The following ANKHD1 variants were observed in gnomAD, a reference collection of about 807,000 sequenced individuals.
The protein encoded by ANKHD1 is ankyrin repeat and KH domain containing 1, also known as ankyrin repeat and KH domain-containing protein 1.
Under a neutral mutation model 230.5 loss-of-function variants are expected in ANKHD1, and 31 were observed. The ratio of observed to expected loss-of-function variants is 0.13; its 90% confidence interval spans 0.10 to 0.18. The LOEUF is 0.18. ANKHD1 is among the 10% of genes least tolerant of loss of function. ANKHD1 has a pLI of 1.00. For missense variants in ANKHD1, 2,256 were observed against 3,071.3 expected (o/e 0.73, Z 6.27); for synonymous variants, 1,074 against 1,117.6 (o/e 0.96, Z 0.78).
chr5:140,500,731 G>GT (rs1752261640), intron 15 of ANKHD1, among the ~76,000 whole-genome samples: 1 of 150,716 alleles, frequency 6.6e-6, no homozygotes, highest in Non-Finnish European at 1.5e-5. Flanking sequence ...TTCAAACTCA[G>GT]TTCAGCCAAG....
intron 32 of ANKHD1, 48 bp from the exon 33 acceptor site, chr5:140,538,871 A>G: frequency 1.4e-6 from 2 of 1,403,066 alleles, no homozygotes; most frequent in Non-Finnish European, 1.9e-6. Context: ...TAGTAATTTT[A>G]TAATTTATAG....
At chr5:140,537,718 AGGGT>A in intron 31 of ANKHD1, 129 bp downstream of exon 31, 1 of 1,364,638 alleles carries the variant, frequency 7.3e-7, no homozygotes. Flanking sequence ...CAATTAGGGA[AGGGT>A]GTTTATATCT....
intron 10 of ANKHD1, among the ~76,000 whole-genome samples, chr5:140,466,108 A>G (rs1001381736): frequency 5.3e-5 from 8 of 152,158 alleles, no homozygotes; most frequent in African/African-American, 1.9e-4. Flanking sequence ...AAAATTGAAT[A>G]GGGCTGGGTG....
chr5:140,435,157 T>C (rs1005828694), intron 1 of ANKHD1, among the ~76,000 whole-genome samples: 6 of 152,146 alleles, frequency 3.9e-5, no homozygotes, highest in Admixed American at 2.6e-4. Flanking sequence ...TGTTCCTGTC[T>C]AAAGGTCTCC....
chr5:140,524,219 G>A lies in ANKHD1; in HGVS notation c.4471G>A (p.Glu1491Lys). The change falls in exon 25 of 34, where the codon GAA becomes AAA. Residue 1491 changes from glutamate (E) to lysine (K), a missense_variant. This residue lies in a region of ANKHD1 where 212 missense variants were observed against 257.3 expected (regional missense o/e 0.82). Transcript: ENST00000360839. The part of the protein sequence containing the change: ...ENSELPEDED[E>K]EENDEDVEQE... ...TTCGGAACTACCAGAGGATGAAGATGAAGAGGAGAATGATGAAGATGGTGA... is the reference window on the plus strand; with the variant it reads ...TTCGGAACTACCAGAGGATGAAGATAAAGAGGAGAATGATGAAGATGGTGA... 6.3e-7 allele frequency: 1 copy of A among 1,579,982 alleles called. No individual in the cohort carries two copies. The highest frequency in any genetic ancestry group is 8.5e-7 in the Non-Finnish European group (1 of 1,171,446).
At chr5:140,523,931 T>A in intron 24 of ANKHD1, 135 bp from the exon 25 acceptor site, 1 of 1,195,786 alleles carries the variant, frequency 8.4e-7, no homozygotes, top group Non-Finnish European at 1.1e-6. Flanking sequence ...CAGTTTATTT[T>A]TTCTTGTTGG....
chr5:140,496,458 T>TTTG, intron 14 of ANKHD1, 62 bp from the exon 15 acceptor site: 2 of 1,187,618 alleles, frequency 1.7e-6, no homozygotes. Flanking sequence ...TTTTTTTTCT[T>TTTG]TTCTTTTTTT....
intron 10 of ANKHD1, among the ~76,000 whole-genome samples, chr5:140,478,365 T>C (rs1449965029): frequency 6.9e-6 from 1 of 144,332 alleles, no homozygotes; most frequent in African/African-American, 2.5e-5. Flanking sequence ...TTCTTTTTCT[T>C]TTTTTTTTTT....
At chr5:140,503,553 C>CT (rs70988767) in intron 15 of ANKHD1, among the ~76,000 whole-genome samples, 2,927 of 51,230 alleles carry the variant, frequency 0.057, 503 homozygotes, top group East Asian at 0.097. Flanking sequence ...AGTTTTCTTT[C>CT]TTTTTTTTTT....
intron 7 of ANKHD1, among the ~76,000 whole-genome samples, chr5:140,454,279 A>G (rs1581269033): frequency 1.3e-5 from 2 of 152,286 alleles, no homozygotes; most frequent in African/African-American, 2.4e-5. Context: ...TTAACACCCC[A>G]CTGTCAACAT....
chr5:140,402,631 G>C (rs762861552), intron 1 of ANKHD1, among the ~76,000 whole-genome samples: 1 of 152,196 alleles, frequency 6.6e-6, no homozygotes, highest in Non-Finnish European at 1.5e-5. Context: ...GAGACAAACA[G>C]AGACAGAGAC....
At chr5:140,486,725 A>G in intron 13 of ANKHD1, 1 of 316,048 alleles carries the variant, frequency 3.2e-6, no homozygotes, top group South Asian at 5.5e-5. Context: ...GCAAGGGAGT[A>G]ATGTTATTTC....
intron 24 of ANKHD1, among the ~76,000 whole-genome samples, chr5:140,514,978 CA>C (rs11377029): frequency 8.9e-5 from 13 of 145,446 alleles, no homozygotes; most frequent in Admixed American, 1.4e-4. Flanking sequence ...GACCCTGTCT[CA>C]AAAAAAAAAA....
intron 10 of ANKHD1, among the ~76,000 whole-genome samples, chr5:140,478,788 G>A (rs563415501): frequency 2.6e-4 from 39 of 150,682 alleles, no homozygotes; most frequent in African/African-American, 8.5e-4. Flanking sequence ...GGGATTACAG[G>A]CATGCACCAC....
Position 140,485,292 on chromosome 5 carries a change from C to T in ANKHD1, c.1998+44C>T, listed in dbSNP as rs1751450037. 6.3e-7 allele frequency: 1 copy of T among 1,579,548 alleles called. No homozygotes were observed. On this transcript the variant is annotated intron_variant, in intron 12 of 33. Transcript: ENST00000360839. The surrounding 1 kb of genome is among the most constrained non-coding windows in gnomAD (Gnocchi z 4.8). ...AGTAAACAGGCTGTGTGCGGTGGCT[C>T]ATGTCTATGATCCCAGCACTTTAGA...
chr5:140,503,790 C>T (rs1752423471), intron 15 of ANKHD1, among the ~76,000 whole-genome samples: 1 of 151,670 alleles, frequency 6.6e-6, no homozygotes, highest in African/African-American at 2.4e-5. Flanking sequence ...TGGTCCTGAA[C>T]TCCCAACCCT....
intron 7 of ANKHD1, among the ~76,000 whole-genome samples, chr5:140,454,744 T>C (rs563138037): frequency 6.6e-6 from 1 of 152,180 alleles, no homozygotes; most frequent in African/African-American, 2.4e-5. Flanking sequence ...GCACTAAATG[T>C]CCACAAGAGA....
chr5:140,438,681 A>C (rs1490591347), intron 3 of ANKHD1, 64 bp downstream of exon 3: 1 of 1,465,022 alleles, frequency 6.8e-7, no homozygotes, highest in African/African-American at 1.4e-5. Context: ...GAAGTAGCCA[A>C]TTTTGGTTAA....
In ANKHD1 at chr5:140,485,212, C is replaced by G. The variant is rs758961339; in HGVS notation, c.1962C>G (p.Leu654=). 5 of 1,613,872 alleles carry G rather than the reference C, an allele frequency of 3.1e-6. No individual in the cohort carries two copies. The highest frequency in any genetic ancestry group is 4.2e-6 in the Non-Finnish European group (5 of 1,179,900). ...GCCACCTGGCAGTTGTTGAGCTTCT[C>G]TTGGCTCATGGGGCTGACCCTACTC... is the stretch of plus-strand genomic sequence containing the variant. ...AGGHLAVVEL[L]LAHGADPTHR... The change falls in exon 12 of 34, where the codon CTC becomes CTG. Residue 654 remains leucine, a synonymous_variant. Coordinates refer to ENST00000360839, the MANE Select transcript of ANKHD1 (RefSeq NM_017747.3). This position sits in a 1 kb window ranked among gnomAD's most constrained non-coding sequence, Gnocchi z 4.8.
Sources: gnomAD v4.1 joint callset for allele counts (sites outside exome capture counted in the v4.1 genomes callset) on GRCh38, gnomAD v4.1.1 for gene constraint, gnomAD v4.1.1 regional missense constraint, Gnocchi (gnomAD v3.1) non-coding constraint, MANE v1.5 for transcripts, NCBI Gene and HGNC (gene_info 2026-07-23, HGNC 2026-07-21) for gene names.